The following CTNNA3 variants were observed in gnomAD, a reference collection of about 807,000 sequenced individuals.
The protein encoded by CTNNA3 is catenin alpha-3.
In CTNNA3, 76 loss-of-function variants were observed where a neutral mutation model predicts 95.7. The observed-to-expected ratio is 0.79, with a 90% CI of 0.66 to 0.96. The LOEUF (loss-of-function observed/expected upper bound fraction) is 0.96, where lower values mean the gene tolerates loss of function less well. Among genes scored for constraint, CTNNA3 ranks in the 40% least tolerant of loss-of-function variants. CTNNA3 has a pLI of 0.00. For missense variants in CTNNA3, 1,191 were observed against 1,089.8 expected (o/e 1.09, Z -1.31); for synonymous variants, 431 against 374.4 (o/e 1.15, Z -1.74).
chr10:66,639,089 A>G (rs1845431129), intron 9 of CTNNA3, among the ~76,000 whole-genome samples: 1 of 152,120 alleles, frequency 6.6e-6, no homozygotes, highest in African/African-American at 2.4e-5. Flanking sequence ...ACGTTTAGTA[A>G]ATTGAATAGA....
intron 5 of CTNNA3, among the ~76,000 whole-genome samples, chr10:67,391,327 A>G (rs1173081092): frequency 1.3e-5 from 2 of 150,922 alleles, no homozygotes; most frequent in Non-Finnish European, 3.0e-5. Context: ...AGAATAAAAT[A>G]CCTAGGAATC....
chr10:66,029,963 T>C (rs1437971411), intron 15 of CTNNA3, among the ~76,000 whole-genome samples: 1 of 152,164 alleles, frequency 6.6e-6, no homozygotes, highest in East Asian at 1.9e-4. Flanking sequence ...ACTTTTCAAA[T>C]TATAGAATCA....
At chr10:67,724,111 TC>T (rs1841195292) in intron 1 of CTNNA3, among the ~76,000 whole-genome samples, 1 of 152,190 alleles carries the variant, frequency 6.6e-6, no homozygotes, top group Non-Finnish European at 1.5e-5. Context: ...CATTATTCTT[TC>T]CACTTTTTCT....
chr10:67,712,924 A>G (rs953373549), intron 1 of CTNNA3, among the ~76,000 whole-genome samples: 2 of 152,216 alleles, frequency 1.3e-5, no homozygotes, highest in African/African-American at 4.8e-5. Context: ...AAAAGCCAAA[A>G]TTGATAAATT....
chr10:67,139,492 C>A (rs369075939), intron 7 of CTNNA3, among the ~76,000 whole-genome samples: 1 of 150,732 alleles, frequency 6.6e-6, no homozygotes, highest in Non-Finnish European at 1.5e-5. Flanking sequence ...GTTACTGCAA[C>A]CTCTCCCCTT....
intron 7 of CTNNA3, among the ~76,000 whole-genome samples, chr10:67,095,742 A>G (rs1451086370): frequency 6.6e-6 from 1 of 151,844 alleles, no homozygotes; most frequent in Non-Finnish European, 1.5e-5. Flanking sequence ...CTACAGATAT[A>G]TGACCCATAA....
chr10:66,071,987 T>C (rs771823430), intron 14 of CTNNA3, among the ~76,000 whole-genome samples: 10 of 152,188 alleles, frequency 6.6e-5, no homozygotes, highest in Admixed American at 3.3e-4. Flanking sequence ...AATTTTTCTA[T>C]AAAGGACAAG....
chr10:67,672,904 T>C (rs1840465278), intron 1 of CTNNA3, among the ~76,000 whole-genome samples: 1 of 152,096 alleles, frequency 6.6e-6, no homozygotes, highest in Non-Finnish European at 1.5e-5. Context: ...AAGAAAGTCA[T>C]TGGTAGCTTG....
At chr10:65,965,401 T>TC (rs2077938630) in intron 17 of CTNNA3, among the ~76,000 whole-genome samples, 1 of 123,636 alleles carries the variant, frequency 8.1e-6, no homozygotes, top group Non-Finnish European at 1.7e-5. Flanking sequence ...TACTTTTTTT[T>TC]TTTTTTTTTT....
At chr10:67,170,721 A>G (rs1861981595) in intron 7 of CTNNA3, among the ~76,000 whole-genome samples, 1 of 152,148 alleles carries the variant, frequency 6.6e-6, no homozygotes, top group Admixed American at 6.6e-5. Context: ...CTCCCATGCC[A>G]CAAGTTTACC....
chr10:66,626,932 CA>C (rs1448656254), intron 9 of CTNNA3, among the ~76,000 whole-genome samples: 1 of 51,926 alleles, frequency 1.9e-5, no homozygotes, highest in African/African-American at 8.8e-5. Flanking sequence ...TACACACACA[CA>C]ACAACAACAA....
At chr10:66,437,610 A>T (rs987168271) in intron 11 of CTNNA3, among the ~76,000 whole-genome samples, 10 of 152,072 alleles carry the variant, frequency 6.6e-5, no homozygotes, top group African/African-American at 2.2e-4. Context: ...GGAATCTTTT[A>T]TCAAGGTTCT....
intron 11 of CTNNA3, among the ~76,000 whole-genome samples, chr10:66,432,736 T>C (rs2093307651): frequency 6.6e-6 from 1 of 151,792 alleles, no homozygotes; most frequent in Non-Finnish European, 1.5e-5. Flanking sequence ...ACTTGTGACA[T>C]GGTTGTTTGA....
chr10:66,610,427 AG>A (rs1173559047), intron 10 of CTNNA3, among the ~76,000 whole-genome samples: 1 of 152,156 alleles, frequency 6.6e-6, no homozygotes, highest in Non-Finnish European at 1.5e-5. Flanking sequence ...CAATAAATAA[AG>A]GAACTCACAT....
chr10:67,237,126 GTATATATA>G lies in CTNNA3; in HGVS notation c.580-17264_580-17257del, dbSNP rs59511861. On this transcript the variant is annotated intron_variant, in intron 5 of 17. Coordinates refer to ENST00000433211, the MANE Select transcript of CTNNA3 (RefSeq NM_013266.4). Reference sequence around the variant, plus strand: ...AGTGGATAAAGAAACTATGGTGTATGTATATATATATATATATATATATATATATATAT... The same window carrying G: ...AGTGGATAAAGAAACTATGGTGTATGTATATATATATATATATATATATAT... Among the ~76,000 whole-genome samples the G allele has an allele frequency of 6.3e-4, 25 of 39,876 alleles. 2 individuals carry two copies. The highest frequency in any genetic ancestry group is 1.9e-3 in the African/African-American group (18 of 9,694). The allele number at this position is 39,876 out of a possible 152,430, so 26.2% of individuals were successfully genotyped here. A position where few individuals can be genotyped will look rare whatever the true frequency, so the allele number is the denominator to read the frequency against.
intron 11 of CTNNA3, among the ~76,000 whole-genome samples, chr10:66,497,944 T>A (rs776063945): frequency 2.0e-5 from 3 of 152,136 alleles, no homozygotes; most frequent in Non-Finnish European, 4.4e-5. Context: ...GAAATCTATC[T>A]ATCAAAAATC....
intron 7 of CTNNA3, among the ~76,000 whole-genome samples, chr10:67,001,286 T>A (rs1454600400): frequency 1.5e-5 from 2 of 134,526 alleles, no homozygotes; most frequent in Non-Finnish European, 3.1e-5. Context: ...GACGACAGAG[T>A]GAGACTCTGT....
intron 5 of CTNNA3, among the ~76,000 whole-genome samples, chr10:67,252,218 C>CA (rs34502404): frequency 0.23 from 20,280 of 86,942 alleles, 2,450 homozygotes; most frequent in African/African-American, 0.38. Context: ...AACACTGTCT[C>CA]AAAAAAAAAA....
At chr10:66,912,294 A>G (rs1037983714) in intron 7 of CTNNA3, among the ~76,000 whole-genome samples, 1 of 152,066 alleles carries the variant, frequency 6.6e-6, no homozygotes, top group Admixed American at 6.5e-5. Context: ...AAAATAACAA[A>G]TACAAATTTG....
Sources: gnomAD v4.1 joint callset for allele counts (sites outside exome capture counted in the v4.1 genomes callset) on GRCh38, gnomAD v4.1.1 for gene constraint, MANE v1.5 for transcripts, NCBI Gene and HGNC (gene_info 2026-07-23, HGNC 2026-07-21) for gene names.